BMP3: variants seen among roughly 807,000 people sequenced by gnomAD.
BMP3 encodes bone morphogenetic protein 3, also known as bone morphogenetic protein 3 (osteogenic).
Under a neutral mutation model 38.1 loss-of-function variants are expected in BMP3, and 23 were observed. The observed-to-expected ratio is 0.60, with a 90% CI of 0.43 to 0.86. BMP3 has a LOEUF of 0.86. Among genes scored for constraint, BMP3 ranks in the 40% least tolerant of loss-of-function variants. BMP3 has a pLI of 0.00. For synonymous variants in BMP3, 258 were observed against 225.7 expected (o/e 1.14, Z -1.28); for missense variants, 628 against 579.6 (o/e 1.08, Z -0.86).
At chr4:81,032,986 T>C (rs1739820062) in intron 1 of BMP3, among the ~76,000 whole-genome samples, 1 of 152,200 alleles carries the variant, frequency 6.6e-6, no homozygotes, top group Non-Finnish European at 1.5e-5. Context: ...TCCTGACAGC[T>C]GACTACACCA....
At position 81,053,924 on chromosome 4, in the gene BMP3, G is replaced by A. The variant is rs1413164429; in HGVS notation, c.*388G>A. On this transcript the variant is annotated 3_prime_UTR_variant, in exon 3 of 3. Transcript: ENST00000282701. ...CATTTAATGACTAATGGGAAATAGAGAACAATTTCGCGTTTTGAATTAGGC... is the reference window on the plus strand; with the variant it reads ...CATTTAATGACTAATGGGAAATAGAAAACAATTTCGCGTTTTGAATTAGGC... 6.5e-6 allele frequency: 1 copy of A among 154,060 alleles called. No individual in the cohort carries two copies. The highest frequency in any genetic ancestry group is 6.5e-5 in the Admixed American group (1 of 15,282). The allele number at this position is 154,060 out of a possible 1,614,324, so 9.5% of individuals were successfully genotyped here.
chr4:81,049,648 T>C (rs1740356860), intron 2 of BMP3, among the ~76,000 whole-genome samples: 1 of 152,174 alleles, frequency 6.6e-6, no homozygotes, highest in Non-Finnish European at 1.5e-5. Context: ...TTCCACGCCT[T>C]GTGTCTTTCA....
At position 81,046,287 on chromosome 4, in the gene BMP3, G is replaced by A. The variant is rs1740240285; in HGVS notation, c.866G>A (p.Arg289His). Residue 289 changes from arginine (R) to histidine (H), a missense_variant, in exon 2 of 3, where the codon CGC (arginine) becomes CAC (histidine). Coordinates refer to ENST00000282701, the MANE Select transcript of BMP3 (RefSeq NM_001201.5). ...CTTTCCATTGAGCGGAGGAAGAAGC[G>A]CTCTACTGGGGTCTTGCTGCCTCTG... The part of the protein sequence containing the change: ...AALSIERRKK[R>H]STGVLLPLQN... The A allele has an allele frequency of 4.3e-6, 7 of 1,613,920 alleles. 1 individual carries two copies. The highest frequency in any genetic ancestry group is 2.2e-5 in the South Asian group (2 of 91,072).
intron 1 of BMP3, among the ~76,000 whole-genome samples, chr4:81,043,874 C>T (rs1740160144): frequency 6.6e-6 from 1 of 152,140 alleles, no homozygotes; most frequent in African/African-American, 2.4e-5. Context: ...CAGTCATGAG[C>T]CACTGCACCT....
intron 1 of BMP3, among the ~76,000 whole-genome samples, chr4:81,037,858 G>GTA (rs1739962417): frequency 6.6e-6 from 1 of 152,092 alleles, no homozygotes; most frequent in Non-Finnish European, 1.5e-5. Flanking sequence ...TGTTCTCAAA[G>GTA]TATAGTTCGT....
chr4:81,053,488 G>A lies in BMP3; in HGVS notation c.1371G>A (p.Val457=), dbSNP rs759922406. The change falls in exon 3 of 3, where the codon GTG becomes GTA. Residue 457 remains valine (V), a synonymous_variant. Coordinates refer to ENST00000282701, the MANE Select transcript of BMP3 (RefSeq NM_001201.5). ...TCTTTGATGAAAATAAGAATGTAGTGCTTAAAGTATACCCTAACATGACAG... is the reference window on the plus strand; with the variant it reads ...TCTTTGATGAAAATAAGAATGTAGTACTTAAAGTATACCCTAACATGACAG... ...ILFFDENKNV[V]LKVYPNMTVE... 6.2e-7 allele frequency: 1 copy of A among 1,605,584 alleles called. No homozygotes were observed. Among genetic ancestry groups the A allele is most frequent in the Admixed American group, 1.7e-5 (1 of 58,418 alleles).
rs1740583750 is a variant in BMP3 at position 81,056,834 on chromosome 4, G to A, written c.*3298G>A. The A allele has an allele frequency of 1.3e-5, 2 of 152,526 alleles. No individual in the cohort carries two copies. The highest frequency in any genetic ancestry group is 2.1e-4 in the South Asian group (1 of 4,822). 9.4% of individuals were successfully genotyped at this position (152,526 alleles called of 1,614,324 possible). On this transcript the variant is annotated 3_prime_UTR_variant, in exon 3 of 3. Coordinates refer to ENST00000282701, the MANE Select transcript of BMP3 (RefSeq NM_001201.5). ...TATTTTCATAGGCAATCAAATGTGA[G>A]TAATACTGCTAAGAGTCTGATTTAT...
chr4:81,038,183 T>C (rs1739972540), intron 1 of BMP3, among the ~76,000 whole-genome samples: 1 of 152,174 alleles, frequency 6.6e-6, no homozygotes, highest in African/African-American at 2.4e-5. Context: ...TTTTAAAATA[T>C]ATACCTTAGA....
intron 1 of BMP3, among the ~76,000 whole-genome samples, chr4:81,043,214 T>C (rs1323740531): frequency 6.6e-6 from 1 of 152,220 alleles, no homozygotes; most frequent in Non-Finnish European, 1.5e-5. Context: ...GAGAAGGGCT[T>C]AGGCTCTGGT....
chr4:81,041,253 T>A (rs75501333), intron 1 of BMP3, among the ~76,000 whole-genome samples: 4 of 152,220 alleles, frequency 2.6e-5, no homozygotes, highest in African/African-American at 4.8e-5. Context: ...CTTGACCCCA[T>A]GCTGCTCGCT....
chr4:81,047,951 A>G (rs76510636), intron 2 of BMP3, among the ~76,000 whole-genome samples: 6 of 135,052 alleles, frequency 4.4e-5, no homozygotes, highest in East Asian at 2.0e-4. Flanking sequence ...TGAAGAGAAA[A>G]AAAAAAAAAA....
rs764099983 is a variant in BMP3 at position 81,053,524 on chromosome 4, C to T, written c.1407C>T (p.Cys469=). The T allele has an allele frequency of 1.6e-5, 24 of 1,509,172 alleles. No homozygotes were observed. The highest frequency in any genetic ancestry group is 5.4e-5 in the South Asian group (4 of 73,636). The allele number at this position is 1,509,172 out of a possible 1,614,324, so 93.5% of individuals were successfully genotyped here. A position where few individuals can be genotyped will look rare whatever the true frequency, so the allele number is the denominator to read the frequency against. The change falls in exon 3 of 3, where the codon TGC becomes TGT. Residue 469 remains cysteine, a synonymous_variant. Transcript: ENST00000282701. ...KVYPNMTVES[C]ACR ...ACCCTAACATGACAGTAGAGTCTTG[C>T]GCTTGCAGATAACCTGGCAAAGAAC...
intron 2 of BMP3, among the ~76,000 whole-genome samples, chr4:81,051,034 G>A (rs1425447080): frequency 5.3e-5 from 8 of 151,850 alleles, no homozygotes; most frequent in Admixed American, 5.3e-4. Context: ...AAAAAGCAGG[G>A]GAAACTTCCT....
intron 1 of BMP3, among the ~76,000 whole-genome samples, chr4:81,035,991 T>TTGGGTA (rs1346763614): frequency 6.6e-6 from 1 of 152,048 alleles, no homozygotes; most frequent in African/African-American, 2.4e-5. Context: ...TGTTAACTTA[T>TTGGGTA]ATTATTACAT....
intron 1 of BMP3, 95 bp downstream of exon 1, chr4:81,031,695 C>A: frequency 7.2e-7 from 1 of 1,394,244 alleles, no homozygotes; most frequent in Non-Finnish European, 9.5e-7. Flanking sequence ...TGCTTGGTGG[C>A]GCTGCCTAGG....
At position 81,045,991 on chromosome 4, in the gene BMP3, T is replaced by C. The variant is rs770634595; in HGVS notation, c.570T>C (p.Ser190=). ...LGHLSVDMAK[S]HRDIMSWLSK... is the part of the protein sequence containing the mutation. ...ATCTGTCAGTGGATATGGCCAAATC[T>C]CATCGAGATATTATGTCCTGGCTGT... Residue 190 remains serine (S), a synonymous_variant, in exon 2 of 3, where the codon TCT becomes TCC. Coordinates refer to ENST00000282701, the MANE Select transcript of BMP3 (RefSeq NM_001201.5). 20 of 1,614,034 alleles carry C rather than the reference T, an allele frequency of 1.2e-5. No individual in the cohort carries two copies. The highest frequency in any genetic ancestry group is 1.7e-5 in the Admixed American group (1 of 59,990).
chr4:81,034,587 A>G (rs1739870610), intron 1 of BMP3, among the ~76,000 whole-genome samples: 1 of 152,180 alleles, frequency 6.6e-6, no homozygotes, highest in African/African-American at 2.4e-5. Context: ...ATTAAAGCAC[A>G]CATGTTGTTA....
chr4:81,034,972 A>C (rs553315200), intron 1 of BMP3, among the ~76,000 whole-genome samples: 164 of 152,276 alleles, frequency 1.1e-3, no homozygotes, highest in Middle Eastern at 0.01. Flanking sequence ...TAGAAAAACT[A>C]TTAAAATGTA....
In BMP3 at chr4:81,056,908, T is replaced by C. The variant is rs2109916934; in HGVS notation, c.*3372T>C. On this transcript the variant is annotated 3_prime_UTR_variant, in exon 3 of 3. Coordinates refer to ENST00000282701, the MANE Select transcript of BMP3 (RefSeq NM_001201.5). ...CAGTTTAGTTTTTCAGTTTAGTCTTTCTGCTTTCACTTTTCTCTGTGCTAA... is the reference window on the plus strand; with the variant it reads ...CAGTTTAGTTTTTCAGTTTAGTCTTCCTGCTTTCACTTTTCTCTGTGCTAA... 6.5e-6 allele frequency: 1 copy of C among 152,782 alleles called. No homozygotes were observed. The highest frequency in any genetic ancestry group is 1.9e-4 in the East Asian group (1 of 5,192). 9.5% of individuals were successfully genotyped at this position (152,782 alleles called of 1,614,324 possible). A position where few individuals can be genotyped will look rare whatever the true frequency, so the allele number is the denominator to read the frequency against.
Sources: allele counts gnomAD v4.1 joint callset (sites outside exome capture counted in the v4.1 genomes callset), GRCh38; gene constraint gnomAD v4.1.1; transcripts MANE v1.5; gene names NCBI Gene and HGNC (gene_info 2026-07-23, HGNC 2026-07-21).